ANO6: variants seen among roughly 807,000 people sequenced by gnomAD.
ANO6 encodes the protein anoctamin-6.
A neutral mutation model predicts 117.5 loss-of-function variants in ANO6; 106 were observed. The observed-to-expected ratio is 0.90, with a 90% CI of 0.77 to 1.06. The LOEUF (loss-of-function observed/expected upper bound fraction) is 1.06, where lower values mean the gene tolerates loss of function less well. ANO6 is among the 50% of genes least tolerant of loss of function. ANO6 has a pLI of 0.00. For synonymous variants in ANO6, 367 were observed against 385.1 expected (o/e 0.95, Z 0.55); for missense variants, 955 against 1,121.1 (o/e 0.85, Z 2.12).
At position 45,431,480 on chromosome 12, in the gene ANO6, C is replaced by T; in HGVS notation, c.*2169C>T. ...AAGAAATGTGCATTTGTTTTCATAG[C>T]CCCAGCAGAGAAAATCCTCTTCATA... is the stretch of plus-strand genomic sequence containing the variant. On this transcript the variant is annotated 3_prime_UTR_variant, in exon 20 of 20. Coordinates refer to ENST00000320560, the MANE Select transcript of ANO6 (RefSeq NM_001025356.3). 1.0e-6 allele frequency: 1 copy of T among 985,378 alleles called. No homozygotes were observed. The highest frequency in any genetic ancestry group is 1.2e-6 in the Non-Finnish European group (1 of 829,928). The allele number at this position is 985,378 out of a possible 1,614,324, so 61.0% of individuals were successfully genotyped here.
In ANO6 at chr12:45,322,047, A is replaced by C. The variant is rs568363306; in HGVS notation, c.151-9248A>C. On this transcript the variant is annotated intron_variant, in intron 2 of 19. Coordinates refer to ENST00000320560, the MANE Select transcript of ANO6 (RefSeq NM_001025356.3). ...ATTGTGCTAAGGTGCTGGCAGTTTT[A>C]CCCACCATGACTTTTGCACCATCAT... Among the ~76,000 whole-genome samples, 11 of 152,206 alleles carry C rather than the reference A, an allele frequency of 7.2e-5. No homozygotes were observed. The East Asian group carries it at 2.1e-3, about 29-fold the overall frequency.
intron 3 of ANO6, among the ~76,000 whole-genome samples, chr12:45,345,477 C>T (rs564261536): frequency 6.6e-6 from 1 of 152,262 alleles, no homozygotes; most frequent in African/African-American, 2.4e-5. Flanking sequence ...TAGATGATCT[C>T]GACCTGGACC....
chr12:45,331,401 A>G lies in ANO6; in HGVS notation c.257A>G (p.Lys86Arg). The G allele has an allele frequency of 6.2e-7, 1 of 1,606,508 alleles. No homozygotes were observed. The highest frequency in any genetic ancestry group is 8.5e-7 in the Non-Finnish European group (1 of 1,176,096). Reference protein sequence around the residue: ...EDESRKETNKKGTNEKQRRKR... With the variant: ...EDESRKETNKRGTNEKQRRKR... ...GAAAGCAGAAAAGAGACCAATAAAA[A>G]GGGTACAAATGAAAAACAAAGGGTA... is the stretch of plus-strand genomic sequence containing the variant. Residue 86 changes from lysine (K) to arginine (R), a missense_variant, in exon 3 of 20, where the codon AAG (lysine) becomes AGG (arginine). Coordinates refer to ENST00000320560, the MANE Select transcript of ANO6 (RefSeq NM_001025356.3).
At chr12:45,319,561 A>G (rs1448354802) in intron 2 of ANO6, among the ~76,000 whole-genome samples, 2 of 152,182 alleles carry the variant, frequency 1.3e-5, no homozygotes, top group East Asian at 1.9e-4. Flanking sequence ...CATCAGGGAT[A>G]TTGGTCTAAA....
In ANO6 at chr12:45,369,608, T is replaced by C. The variant is rs1330215509; in HGVS notation, c.1104+1815T>C. 2.0e-5 allele frequency among the ~76,000 whole-genome samples: 3 copies of C among 151,876 alleles called. No homozygotes were observed. The East Asian group carries it at 5.8e-4, about 29-fold the overall frequency. ...AGAAAGAAACATGAAAGAATATAAG[T>C]AAGGGGACTAAATGGAAAAAAAAAA... On this transcript the variant is annotated intron_variant, in intron 9 of 19. Coordinates refer to ENST00000320560, the MANE Select transcript of ANO6 (RefSeq NM_001025356.3).
intron 1 of ANO6, among the ~76,000 whole-genome samples, chr12:45,264,027 C>T (rs924311095): frequency 7.2e-5 from 11 of 152,158 alleles, no homozygotes; most frequent in African/African-American, 2.4e-4. Context: ...CAAACTAAAC[C>T]TAAAGATTCT....
At position 45,431,461 on chromosome 12, in the gene ANO6, T is replaced by C; in HGVS notation, c.*2150T>C. 1.0e-6 allele frequency: 1 copy of C among 985,376 alleles called. No homozygotes were observed. The highest frequency in any genetic ancestry group is 1.2e-6 in the Non-Finnish European group (1 of 829,924). 61.0% of individuals were successfully genotyped at this position (985,376 alleles called of 1,614,324 possible). ...TATGTATGATAGAACTTAAAAGAAA[T>C]GTGCATTTGTTTTCATAGCCCCAGC... On this transcript the variant is annotated 3_prime_UTR_variant, in exon 20 of 20. Transcript: ENST00000320560.
chr12:45,292,403 A>G (rs1318155468), intron 1 of ANO6, among the ~76,000 whole-genome samples: 2 of 152,210 alleles, frequency 1.3e-5, no homozygotes, highest in African/African-American at 2.4e-5. Flanking sequence ...TGGCTGTGCA[A>G]CATTGTGAAT....
chr12:45,360,194 T>C (rs1432433034), intron 8 of ANO6, among the ~76,000 whole-genome samples: 1 of 152,250 alleles, frequency 6.6e-6, no homozygotes, highest in Admixed American at 6.5e-5. Flanking sequence ...TTTGTGCTGC[T>C]GTAACACAGT....
intron 1 of ANO6, among the ~76,000 whole-genome samples, chr12:45,288,168 G>A (rs928945520): frequency 1.3e-5 from 2 of 152,156 alleles, no homozygotes; most frequent in East Asian, 1.9e-4. Context: ...GCCTGGTACA[G>A]CCTAGCCTAC....
chr12:45,428,150 C>G lies in ANO6; in HGVS notation c.2527-955C>G, dbSNP rs11837533. Among the ~76,000 whole-genome samples, 814 of 152,230 alleles carry G rather than the reference C, an allele frequency of 5.3e-3. 7 individuals are homozygous for G. The highest frequency in any genetic ancestry group is 0.018 in the African/African-American group (762 of 41,510). On this transcript the variant is annotated intron_variant, in intron 19 of 19. Coordinates refer to ENST00000320560, the MANE Select transcript of ANO6 (RefSeq NM_001025356.3). ...TGCAGATAATGCTCTAGGATTCAAG[C>G]ACAATAATGTTCACAACAGCATTTT...
In ANO6 at chr12:45,431,829, T is replaced by C. The variant is rs1943639740; in HGVS notation, c.*2518T>C. On this transcript the variant is annotated 3_prime_UTR_variant, in exon 20 of 20. Coordinates refer to ENST00000320560, the MANE Select transcript of ANO6 (RefSeq NM_001025356.3). ...ATCTAGCCTTCAGCCTGTCCAGTGT[T>C]AACCACTAGAGAAACTGAGCTTTAT... 6.1e-6 allele frequency: 6 copies of C among 985,452 alleles called. No homozygotes were observed. The highest frequency in any genetic ancestry group is 6.0e-6 in the Non-Finnish European group (5 of 829,940). 61.0% of individuals were successfully genotyped at this position (985,452 alleles called of 1,614,324 possible).
intron 2 of ANO6, among the ~76,000 whole-genome samples, chr12:45,318,082 A>C (rs1054526774): frequency 1.2e-4 from 19 of 152,038 alleles, no homozygotes; most frequent in African/African-American, 4.3e-4. Context: ...TTGCTTGTTC[A>C]CTCTGATGGT....
At chr12:45,338,135 C>A in intron 3 of ANO6, among the ~76,000 whole-genome samples, 1 of 151,916 alleles carries the variant, frequency 6.6e-6, no homozygotes, top group East Asian at 1.9e-4. Context: ...TTCTTAGTTG[C>A]CAAAGAATAT....
intron 1 of ANO6, among the ~76,000 whole-genome samples, chr12:45,287,344 G>A (rs530149561): frequency 6.6e-6 from 1 of 152,308 alleles, no homozygotes; most frequent in South Asian, 2.1e-4. Flanking sequence ...CTCACTAGCT[G>A]TGTGATCTTA....
chr12:45,224,265 G>A (rs1413727050), intron 1 of ANO6, among the ~76,000 whole-genome samples: 1 of 152,180 alleles, frequency 6.6e-6, no homozygotes, highest in Non-Finnish European at 1.5e-5. Context: ...AGGGCATGGG[G>A]CTAGGACAGC....
chr12:45,263,288 T>G (rs1439349628), intron 1 of ANO6, among the ~76,000 whole-genome samples: 1 of 151,956 alleles, frequency 6.6e-6, no homozygotes, highest in African/African-American at 2.4e-5. Flanking sequence ...CACTGCAACT[T>G]TGAATTCCTG....
At chr12:45,379,332 T>C (rs1023570925) in intron 10 of ANO6, among the ~76,000 whole-genome samples, 1 of 152,214 alleles carries the variant, frequency 6.6e-6, no homozygotes, top group Non-Finnish European at 1.5e-5. Flanking sequence ...TTTAGAGATA[T>C]TTGTTGCCGC....
chr12:45,333,147 TAAATA>T (rs1350427246), intron 3 of ANO6, among the ~76,000 whole-genome samples: 1 of 152,018 alleles, frequency 6.6e-6, no homozygotes, highest in Non-Finnish European at 1.5e-5. Context: ...TGGTTAAGAT[TAAATA>T]AAATAACATA....
Sources: gnomAD v4.1 joint callset for allele counts (sites outside exome capture counted in the v4.1 genomes callset) on GRCh38, gnomAD v4.1.1 for gene constraint, MANE v1.5 for transcripts, NCBI Gene and HGNC (gene_info 2026-07-23, HGNC 2026-07-21) for gene names.